Variants in TRPM3 observed in about 807,000 individuals in gnomAD.
TRPM3 encodes the protein transient receptor potential cation channel subfamily M member 3, also known as long transient receptor potential channel 3.
Under a neutral mutation model 181.2 loss-of-function variants are expected in TRPM3, and 77 were observed. That is an observed-to-expected ratio of 0.42 (90% CI 0.35 to 0.51). The LOEUF is 0.51. Among genes scored for constraint, TRPM3 ranks in the 20% least tolerant of loss-of-function variants. The probability of loss-of-function intolerance (pLI) is 0.01; values close to 1 mark genes in which losing one functional copy is unlikely to be tolerated. For missense variants in TRPM3, 1,759 were observed against 2,196.7 expected, an observed-to-expected ratio of 0.80 and a Z score of 3.98; for synonymous variants, 745 against 796.4, an observed-to-expected ratio of 0.94 and a Z score of 1.09.
At position 71,003,948 on chromosome 9, in the gene TRPM3, C is replaced by T. The variant is rs570103331; in HGVS notation, c.177+117230G>A. Reference sequence around the variant, plus strand: ...CCAAGATAGAATAACATCACTCACACAGAATTTCCTTAGACCCATGGTTTC... The same window carrying T: ...CCAAGATAGAATAACATCACTCACATAGAATTTCCTTAGACCCATGGTTTC... On this transcript the variant is annotated intron_variant, in intron 1 of 25. Coordinates refer to ENST00000677713, the MANE Select transcript of TRPM3 (RefSeq NM_001366145.2). Among the ~76,000 whole-genome samples, 97 of 152,286 alleles carry T rather than the reference C, an allele frequency of 6.4e-4. 1 individual carries two copies. The highest frequency in any genetic ancestry group is 2.1e-3 in the South Asian group (10 of 4,820).
intron 1 of TRPM3, among the ~76,000 whole-genome samples, chr9:71,183,273 C>A (rs901636879): frequency 6.6e-6 from 1 of 152,106 alleles, no homozygotes; most frequent in South Asian, 2.1e-4. Flanking sequence ...TTTGTCCTCA[C>A]CACTACCTGT....
chr9:71,296,611 C>T (rs1028742436), intron 1 of TRPM3, among the ~76,000 whole-genome samples: 2 of 152,018 alleles, frequency 1.3e-5, no homozygotes, highest in African/African-American at 2.4e-5. Flanking sequence ...CTGAAGGTTA[C>T]AGTTAGATGC....
At chr9:71,091,779 A>G (rs1413903855) in intron 1 of TRPM3, among the ~76,000 whole-genome samples, 2 of 152,134 alleles carry the variant, frequency 1.3e-5, no homozygotes, top group African/African-American at 4.8e-5. Flanking sequence ...AAGAAAATCA[A>G]TGATATAAAC....
intron 1 of TRPM3, among the ~76,000 whole-genome samples, chr9:71,066,315 C>G (rs1565116479): frequency 6.6e-6 from 1 of 151,988 alleles, no homozygotes; most frequent in Non-Finnish European, 1.5e-5. Context: ...TAGTTTGACA[C>G]CTGAGAAATG....
In TRPM3 at chr9:71,093,696, A is replaced by C. The variant is rs1422274858; in HGVS notation, c.177+27482T>G. 2.2e-4 allele frequency among the ~76,000 whole-genome samples: 34 copies of C among 152,218 alleles called. 1 individual carries two copies. The highest frequency in any genetic ancestry group is 2.2e-3 in the Admixed American group (34 of 15,280). ...CAGTGTGGCGATTCCTCGAGGATCT[A>C]GAACCAGAAATACCATTTGACCCAG... On this transcript the variant is annotated intron_variant, in intron 1 of 25. Coordinates refer to ENST00000677713, the MANE Select transcript of TRPM3 (RefSeq NM_001366145.2).
intron 21 of TRPM3, among the ~76,000 whole-genome samples, chr9:70,596,732 C>CATCTA (rs2059109726): frequency 6.8e-6 from 1 of 147,248 alleles, no homozygotes. Flanking sequence ...AAAAAAAGAA[C>CATCTA]ATCTATTGAC....
At chr9:70,912,038 G>A (rs2096543395) in intron 1 of TRPM3, among the ~76,000 whole-genome samples, 3 of 152,184 alleles carry the variant, frequency 2.0e-5, no homozygotes, top group African/African-American at 7.2e-5. Context: ...ACAGAAGGAT[G>A]TCTAAAGAAA....
At chr9:71,415,239 C>A (rs2093618680) in intron 1 of TRPM3, among the ~76,000 whole-genome samples, 2 of 152,002 alleles carry the variant, frequency 1.3e-5, no homozygotes, top group Admixed American at 6.6e-5. Context: ...GTGTGGCCCT[C>A]CTGACACCTT....
intron 1 of TRPM3, among the ~76,000 whole-genome samples, chr9:71,367,566 G>T (rs2092375578): frequency 6.6e-6 from 1 of 152,266 alleles, no homozygotes; most frequent in East Asian, 1.9e-4. Context: ...AAAAAGATCT[G>T]AGCTGTGGTT....
At chr9:70,701,030 TATA>T (rs961459998) in intron 8 of TRPM3, among the ~76,000 whole-genome samples, 4 of 152,318 alleles carry the variant, frequency 2.6e-5, no homozygotes, top group African/African-American at 4.8e-5. Flanking sequence ...ATCTCCCCAT[TATA>T]ATGATTGTAG....
chr9:70,601,724 C>A (rs1564509004), intron 20 of TRPM3, among the ~76,000 whole-genome samples: 1 of 152,198 alleles, frequency 6.6e-6, no homozygotes, highest in Non-Finnish European at 1.5e-5. Context: ...GATATCCAGG[C>A]CTCGAGGCTC....
chr9:71,261,675 G>A (rs928744322), intron 1 of TRPM3, among the ~76,000 whole-genome samples: 2 of 152,122 alleles, frequency 1.3e-5, no homozygotes, highest in Admixed American at 6.5e-5. Context: ...AGTGACTTTC[G>A]AATGGAGTTT....
chr9:71,105,888 GGTCATTAAAGAACTTTCTAGGGTGAT>G (rs1166951798), intron 1 of TRPM3, among the ~76,000 whole-genome samples: 10 of 152,132 alleles, frequency 6.6e-5, no homozygotes, highest in African/African-American at 1.9e-4. Flanking sequence ...AACTGGAGAA[GGTCATTAAAGAACTTTCTAGGGTGAT>G]GCCAATTAAT....
At chr9:71,288,527 C>T (rs1316367329) in intron 1 of TRPM3, among the ~76,000 whole-genome samples, 2 of 152,030 alleles carry the variant, frequency 1.3e-5, no homozygotes, top group Admixed American at 6.6e-5. Flanking sequence ...TACACATGCA[C>T]ACACAAAAAC....
chr9:71,009,799 G>A (rs1368752968), intron 1 of TRPM3, among the ~76,000 whole-genome samples: 1 of 151,994 alleles, frequency 6.6e-6, no homozygotes, highest in Non-Finnish European at 1.5e-5. Context: ...TAACAAAGCG[G>A]GAGGCATCAT....
At chr9:71,063,588 T>C (rs2061567931) in intron 1 of TRPM3, among the ~76,000 whole-genome samples, 1 of 152,032 alleles carries the variant, frequency 6.6e-6, no homozygotes, top group Non-Finnish European at 1.5e-5. Context: ...AGGGATTCAA[T>C]AGTCAGAGGC....
rs955343500 is a variant in TRPM3 at position 70,610,849 on chromosome 9, T to TAA, written c.2527-102_2527-101dup. On this transcript the variant is annotated intron_variant, in intron 18 of 25. Coordinates refer to ENST00000677713, the MANE Select transcript of TRPM3 (RefSeq NM_001366145.2). ...ATGAGGAAAGGATGCTCATAGAACCTAAGAACCCAAGGCCCCAGAGATTTA... is the reference window on the plus strand; with the variant it reads ...ATGAGGAAAGGATGCTCATAGAACCTAAAAGAACCCAAGGCCCCAGAGATTTA... 3 of 1,435,150 alleles carry TAA rather than the reference T, an allele frequency of 2.1e-6. No homozygotes were observed. The African/African-American group carries it at 4.3e-5, about 20-fold the overall frequency. 88.9% of individuals were successfully genotyped at this position (1,435,150 alleles called of 1,614,324 possible).
chr9:71,129,166 A>G (rs556434681), intron 1 of TRPM3, among the ~76,000 whole-genome samples: 1 of 152,322 alleles, frequency 6.6e-6, no homozygotes, highest in African/African-American at 2.4e-5. Context: ...CTGGTATCAT[A>G]TTTTTGACAA....
chr9:71,358,431 C>T (rs914685934), intron 1 of TRPM3, among the ~76,000 whole-genome samples: 8 of 152,048 alleles, frequency 5.3e-5, no homozygotes, highest in Admixed American at 1.3e-4. Flanking sequence ...AAAATCAACA[C>T]AATCAGCAAT....
Sources: gnomAD v4.1 joint callset for allele counts (sites outside exome capture counted in the v4.1 genomes callset) on GRCh38, gnomAD v4.1.1 for gene constraint, MANE v1.5 for transcripts, NCBI Gene and HGNC (gene_info 2026-07-23, HGNC 2026-07-21) for gene names.